The following HDAC9 variants were observed in gnomAD, a reference collection of about 807,000 sequenced individuals.
HDAC9 encodes the protein histone deacetylase 9.
HDAC9 carries 41 observed loss-of-function variants against 139.4 expected under a neutral mutation model. The ratio of observed to expected loss-of-function variants is 0.29; its 90% CI spans 0.23 to 0.38. The LOEUF (loss-of-function observed/expected upper bound fraction) is 0.38, where lower values mean the gene tolerates loss of function less well. HDAC9 is among the 10% of genes least tolerant of loss of function. The pLI is 1.00. For missense variants in HDAC9, 1,147 were observed against 1,297.0 expected (o/e 0.88, Z 1.78); for synonymous variants, 517 against 476.2 (o/e 1.09, Z -1.12).
chr7:18,635,849 T>C (rs1325489758), intron 8 of HDAC9, among the ~76,000 whole-genome samples: 1 of 152,092 alleles, frequency 6.6e-6, no homozygotes, highest in Non-Finnish European at 1.5e-5. Flanking sequence ...TATAGGGAGC[T>C]CACTTCACTG....
At chr7:18,186,890 A>G (rs971720010) in intron 2 of HDAC9, among the ~76,000 whole-genome samples, 4 of 152,218 alleles carry the variant, frequency 2.6e-5, no homozygotes, top group Admixed American at 6.5e-5. Flanking sequence ...TTTAACATGC[A>G]GAATAAAAGT....
At chr7:18,375,940 A>G in intron 1 of HDAC9, among the ~76,000 whole-genome samples, 1 of 152,328 alleles carries the variant, frequency 6.6e-6, no homozygotes, top group East Asian at 1.9e-4. Flanking sequence ...TAATTATAAA[A>G]TGAATGTATT....
intron 2 of HDAC9, among the ~76,000 whole-genome samples, chr7:18,206,360 G>A (rs1791512457): frequency 6.6e-6 from 1 of 152,184 alleles, no homozygotes; most frequent in African/African-American, 2.4e-5. Context: ...ATAGAATAAA[G>A]TTTATTTCAT....
chr7:18,382,717 G>T (rs779080720), intron 1 of HDAC9, among the ~76,000 whole-genome samples: 1 of 152,290 alleles, frequency 6.6e-6, no homozygotes, highest in South Asian at 2.1e-4. Context: ...TGACATGAAG[G>T]AATAGTAAGC....
intron 25 of HDAC9, among the ~76,000 whole-genome samples, chr7:18,990,813 A>C (rs146300043): frequency 6.6e-6 from 1 of 152,206 alleles, no homozygotes; most frequent in African/African-American, 2.4e-5. Flanking sequence ...CTGATTTTCC[A>C]GGTGCCGTCT....
At chr7:18,567,619 C>T (rs1273890866) in intron 2 of HDAC9, among the ~76,000 whole-genome samples, 3 of 152,034 alleles carry the variant, frequency 2.0e-5, no homozygotes, top group African/African-American at 7.2e-5. Context: ...AATGTATTTC[C>T]TATGATTTTG....
intron 2 of HDAC9, among the ~76,000 whole-genome samples, chr7:18,555,679 T>C (rs534535324): frequency 1.3e-5 from 2 of 152,214 alleles, no homozygotes; most frequent in South Asian, 4.1e-4. Flanking sequence ...GTGTTGATAT[T>C]TTCTGTATTT....
At chr7:18,336,574 C>T (rs1247041924) in intron 1 of HDAC9, among the ~76,000 whole-genome samples, 1 of 151,510 alleles carries the variant, frequency 6.6e-6, no homozygotes, top group African/African-American at 2.4e-5. Context: ...TGGCTGCAAT[C>T]CTAGCCATTT....
chr7:18,547,852 C>CTTCCTTCA (rs1815565466), intron 2 of HDAC9, among the ~76,000 whole-genome samples: 2 of 139,212 alleles, frequency 1.4e-5, no homozygotes, highest in Admixed American at 1.4e-4. Context: ...TCCTTCCTTC[C>CTTCCTTCA]TTCCTACCCT....
chr7:18,634,135 A>T (rs535396844), intron 7 of HDAC9, among the ~76,000 whole-genome samples: 1 of 152,226 alleles, frequency 6.6e-6, no homozygotes, highest in African/African-American at 2.4e-5. Flanking sequence ...TATATGCAAT[A>T]ATAAGGTATA....
intron 2 of HDAC9, among the ~76,000 whole-genome samples, chr7:18,551,768 C>G (rs1817215646): frequency 6.6e-6 from 1 of 152,134 alleles, no homozygotes; most frequent in Admixed American, 6.5e-5. Context: ...CAAACAGAAT[C>G]AACATTGTTT....
At chr7:18,205,873 C>T (rs988361607) in intron 2 of HDAC9, among the ~76,000 whole-genome samples, 2 of 151,990 alleles carry the variant, frequency 1.3e-5, no homozygotes, top group African/African-American at 4.8e-5. Context: ...TTGGGTTTAC[C>T]ATTCACAGGG....
At chr7:18,949,030 C>T in intron 23 of HDAC9, 2 of 405,922 alleles carry the variant, frequency 4.9e-6, no homozygotes, top group South Asian at 1.9e-5. Flanking sequence ...TACTTGCTTG[C>T]ATTTTTGCTT....
intron 1 of HDAC9, among the ~76,000 whole-genome samples, chr7:18,149,896 A>G (rs1221267934): frequency 6.6e-6 from 1 of 151,658 alleles, no homozygotes; most frequent in Non-Finnish European, 1.5e-5. Context: ...GCGTCTTGCT[A>G]TTTTTGCCCA....
intron 12 of HDAC9, among the ~76,000 whole-genome samples, chr7:18,681,130 T>C (rs945390377): frequency 5.3e-5 from 8 of 152,178 alleles, no homozygotes; most frequent in Admixed American, 3.9e-4. Context: ...GCTGACAAAC[T>C]GTCATTCTAA....
intron 22 of HDAC9, among the ~76,000 whole-genome samples, chr7:18,880,838 G>T (rs1799681131): frequency 2.7e-5 from 1 of 37,730 alleles, no homozygotes; most frequent in Admixed American, 2.8e-4. Context: ...ATAGTTAATA[G>T]TTGCCGGGGG....
intron 1 of HDAC9, among the ~76,000 whole-genome samples, chr7:18,108,260 G>A (rs1280050235): frequency 6.6e-6 from 1 of 152,152 alleles, no homozygotes; most frequent in Non-Finnish European, 1.5e-5. Flanking sequence ...GGAAGTCTGT[G>A]GGCACAGATT....
chr7:18,090,050 A>G (rs190741870), intron 1 of HDAC9, among the ~76,000 whole-genome samples: 1 of 152,256 alleles, frequency 6.6e-6, no homozygotes, highest in East Asian at 1.9e-4. Context: ...GATATATACA[A>G]TTGTTTCCCA....
chr7:18,697,064 C>T (rs1012694970), intron 12 of HDAC9, among the ~76,000 whole-genome samples: 1 of 152,114 alleles, frequency 6.6e-6, no homozygotes, highest in Non-Finnish European at 1.5e-5. Flanking sequence ...GAGGCAAATT[C>T]TTAGAGTTAA....
Sources: allele counts gnomAD v4.1 joint callset (sites outside exome capture counted in the v4.1 genomes callset), GRCh38; gene constraint gnomAD v4.1.1; transcripts MANE v1.5; gene names NCBI Gene and HGNC (gene_info 2026-07-23, HGNC 2026-07-21).